Variants in ZNF800 observed in about 807,000 individuals in gnomAD.
ZNF800 encodes zinc finger protein 800.
A neutral mutation model predicts 59.5 loss-of-function variants in ZNF800; 13 were observed. The observed-to-expected ratio is 0.22, with a 90% CI of 0.14 to 0.35. The LOEUF (loss-of-function observed/expected upper bound fraction) is 0.35. ZNF800 is among the 10% of genes least tolerant of loss of function. The pLI, the probability that ZNF800 is intolerant of heterozygous loss-of-function variation, is 1.00. For synonymous variants in ZNF800, 266 were observed against 265.7 expected, an observed-to-expected ratio of 1.00 and a Z score of -0.01; for missense variants, 621 against 783.7, an observed-to-expected ratio of 0.79 and a Z score of 2.48.
chr7:127,345,297 C>CA (rs1800037917), downstream of ZNF800, among the ~76,000 whole-genome samples: 1 of 133,446 alleles, frequency 7.5e-6, no homozygotes, highest in Non-Finnish European at 1.5e-5. Context: ...GGAAATAGAC[C>CA]CCCCCCCCAA....
At position 127,349,341 on chromosome 7, in the gene ZNF800, C is replaced by G. The variant is rs530554328; in HGVS notation, n.225-1298G>C. ...GTTAATACCTAGGGAGTCTGTTTTG[C>G]TAAGCCTTGTTCCAGGAACATGCAT... On this transcript the variant is annotated intron_variant and non_coding_transcript_variant, in intron 1 of 1. Coordinates refer to the ZNF800 transcript ENST00000485577. Among the ~76,000 whole-genome samples the G allele has an allele frequency of 6.6e-5, 10 of 152,220 alleles. No homozygotes were observed. The South Asian group carries it at 2.1e-3, about 32-fold the overall frequency.
In ZNF800 at chr7:127,377,418, A is replaced by T. The variant is rs1800818923; in HGVS notation, c.158-89T>A. ...GGACAACCACTGTTGACAGACCAAA[A>T]GTGCAGTTACTCTTTGAAAACAAAA... On this transcript the variant is annotated intron_variant, in intron 3 of 5. Coordinates refer to ENST00000265827, the MANE Select transcript of ZNF800 (RefSeq NM_176814.5). The surrounding 1 kb of genome is among the most constrained non-coding windows in gnomAD (Gnocchi z 4.7). 4 of 1,102,562 alleles carry T rather than the reference A, an allele frequency of 3.6e-6. No individual in the cohort carries two copies. The highest frequency in any genetic ancestry group is 2.6e-5 in the Admixed American group (1 of 38,042). 68.3% of individuals were successfully genotyped at this position (1,102,562 alleles called of 1,614,324 possible). A position where few individuals can be genotyped will look rare whatever the true frequency, so the allele number is the denominator to read the frequency against.
At chr7:127,371,934 T>A in intron 5 of ZNF800, 120 bp from the exon 6 acceptor site, 1 of 597,022 alleles carries the variant, frequency 1.7e-6, no homozygotes, top group Non-Finnish European at 3.0e-6. Context: ...TCCACACAAA[T>A]AAAAAAACGT....
chr7:127,358,265 G>C (rs1562897151), intron 1 of ZNF800, among the ~76,000 whole-genome samples: 1 of 151,700 alleles, frequency 6.6e-6, no homozygotes. Context: ...GCCTGAAACT[G>C]AATCATACTA....
chr7:127,345,574 A>G (rs1248714927), downstream of ZNF800, among the ~76,000 whole-genome samples: 4 of 152,202 alleles, frequency 2.6e-5, no homozygotes, highest in East Asian at 7.7e-4. Flanking sequence ...GGTGCAGAAA[A>G]TATCTTGGCA....
chr7:127,349,485 GAGTTGT>G (rs1383364658), intron 1 of ZNF800, among the ~76,000 whole-genome samples: 5 of 152,182 alleles, frequency 3.3e-5, no homozygotes, highest in African/African-American at 9.7e-5. Flanking sequence ...AGTGAGCTCA[GAGTTGT>G]CAGGCTGATT....
At chr7:127,356,180 A>G (rs1231470960) in intron 1 of ZNF800, among the ~76,000 whole-genome samples, 1 of 152,090 alleles carries the variant, frequency 6.6e-6, no homozygotes, top group Non-Finnish European at 1.5e-5. Flanking sequence ...GCAATGATGT[A>G]TAACCACTTA....
chr7:127,379,458 G>A (rs1170481291), intron 3 of ZNF800, among the ~76,000 whole-genome samples: 1 of 152,130 alleles, frequency 6.6e-6, no homozygotes, highest in Non-Finnish European at 1.5e-5. Context: ...AAAGATTGAA[G>A]AGGAACACCA....
At chr7:127,382,321 T>C (rs186519003) in intron 3 of ZNF800, among the ~76,000 whole-genome samples, 57 of 152,320 alleles carry the variant, frequency 3.7e-4, no homozygotes, top group East Asian at 1.7e-3. Flanking sequence ...TGAAAGAATA[T>C]TGAACTCAAC....
intron 1 of ZNF800, among the ~76,000 whole-genome samples, chr7:127,355,148 A>G (rs1173922902): frequency 6.6e-6 from 1 of 152,114 alleles, no homozygotes; most frequent in Non-Finnish European, 1.5e-5. Context: ...TCTCCAAAAA[A>G]TTATCCCAAG....
At position 127,392,231 on chromosome 7, in the gene ZNF800, G is replaced by C. The variant is rs1314701603; in HGVS notation, c.-230C>G. 7.6e-6 allele frequency: 3 copies of C among 394,260 alleles called. No homozygotes were observed. The highest frequency in any genetic ancestry group is 1.3e-5 in the Non-Finnish European group (3 of 223,196). The allele number at this position is 394,260 out of a possible 1,614,324, so 24.4% of individuals were successfully genotyped here. On this transcript the variant is annotated 5_prime_UTR_variant, in exon 1 of 6. Transcript: ENST00000265827. ...ACGCGCTCCCAAAGAGTCCCCGCCG[G>C]CGCTGACGCGGAAGCGCCACAGCTC...
At chr7:127,372,543 G>T (rs943101152) in intron 5 of ZNF800, 2 of 864,134 alleles carry the variant, frequency 2.3e-6, no homozygotes, top group Non-Finnish European at 1.4e-6. Context: ...CTTTTCTTAC[G>T]ACACACAACC....
intron 3 of ZNF800, among the ~76,000 whole-genome samples, chr7:127,380,445 T>C (rs1800942354): frequency 6.6e-6 from 1 of 152,214 alleles, no homozygotes; most frequent in African/African-American, 2.4e-5. Context: ...TCCACTTACA[T>C]AGTTAACAAA....
At chr7:127,367,053 T>C (rs1345163352), downstream of ZNF800, among the ~76,000 whole-genome samples, 1 of 151,884 alleles carries the variant, frequency 6.6e-6, no homozygotes, top group African/African-American at 2.4e-5. Flanking sequence ...TAAAGCAGAG[T>C]CTGAAAAGGG....
chr7:127,391,820 G>A (rs935506204), intron 1 of ZNF800, among the ~76,000 whole-genome samples: 8 of 152,066 alleles, frequency 5.3e-5, no homozygotes, highest in African/African-American at 1.4e-4. Flanking sequence ...CGGAAACGCA[G>A]CCTCGGGTGC....
chr7:127,389,985 CCACT>C (rs1781079106), intron 2 of ZNF800, among the ~76,000 whole-genome samples: 3 of 152,070 alleles, frequency 2.0e-5, no homozygotes, highest in African/African-American at 7.2e-5. Flanking sequence ...TTATCTCTTC[CCACT>C]CAAACATTTT....
intron 5 of ZNF800, among the ~76,000 whole-genome samples, chr7:127,372,173 C>T (rs1444949388): frequency 1.3e-5 from 2 of 151,976 alleles, no homozygotes; most frequent in African/African-American, 4.8e-5. Flanking sequence ...GTTCCAAAAC[C>T]TTCTTTAACA....
rs923370565 is a variant in ZNF800 at position 127,390,502 on chromosome 7, T to C, written c.61+995A>G. 2.1e-4 allele frequency among the ~76,000 whole-genome samples: 32 copies of C among 152,332 alleles called. No individual in the cohort carries two copies. The South Asian group carries it at 3.7e-3, about 18-fold the overall frequency. On this transcript the variant is annotated intron_variant, in intron 2 of 5. Transcript: ENST00000265827. ...CAAAGTTTTCTTAAAATGGAAGCTC[T>C]TCCCTTCTACTGATAACATTTTTTT...
intron 3 of ZNF800, 102 bp downstream of exon 3, chr7:127,385,958 A>G: frequency 1.4e-6 from 1 of 722,258 alleles, no homozygotes; most frequent in South Asian, 1.8e-5. Flanking sequence ...AAGAAAGCCA[A>G]CATATACATT....
Sources: allele counts gnomAD v4.1 joint callset (sites outside exome capture counted in the v4.1 genomes callset), GRCh38; gene constraint gnomAD v4.1.1; non-coding constraint Gnocchi (gnomAD v3.1); transcripts MANE v1.5; gene names NCBI Gene and HGNC (gene_info 2026-07-23, HGNC 2026-07-21).